The following KAT2B variants were observed in gnomAD, a reference collection of about 807,000 sequenced individuals.
KAT2B encodes histone acetyltransferase KAT2B.
In KAT2B, 36 loss-of-function variants were observed where a neutral mutation model predicts 105.9. The ratio of observed to expected loss-of-function variants is 0.34; its 90% CI spans 0.26 to 0.45. The LOEUF (loss-of-function observed/expected upper bound fraction) is 0.45, where lower values mean the gene tolerates loss of function less well. KAT2B is among the 20% of genes least tolerant of loss of function. The pLI, the probability that KAT2B is intolerant of heterozygous loss-of-function variation, is 1.00. For synonymous variants in KAT2B, 397 were observed against 377.9 expected (o/e 1.05, Z -0.59); for missense variants, 820 against 1,021.6 (o/e 0.80, Z 2.69).
intron 1 of KAT2B, among the ~76,000 whole-genome samples, chr3:20,069,614 C>T (rs985901170): frequency 1.3e-5 from 2 of 151,712 alleles, no homozygotes; most frequent in South Asian, 2.1e-4. Flanking sequence ...CAACCTCTGC[C>T]GCCCGGGTTC....
chr3:20,101,612 C>G, intron 5 of KAT2B, 144 bp downstream of exon 5: 1 of 641,448 alleles, frequency 1.6e-6, no homozygotes, highest in Non-Finnish European at 2.7e-6. Flanking sequence ...ATTTAACTTG[C>G]AAACTCCTGC....
intron 11 of KAT2B, among the ~76,000 whole-genome samples, chr3:20,128,576 A>T (rs964797148): frequency 6.6e-6 from 1 of 151,620 alleles, no homozygotes; most frequent in Non-Finnish European, 1.5e-5. Flanking sequence ...TCCATGTTTT[A>T]TTGGTATTGC....
intron 1 of KAT2B, 141 bp downstream of exon 1, chr3:20,040,921 T>C (rs961011063): frequency 9.5e-7 from 1 of 1,053,358 alleles, no homozygotes; most frequent in Non-Finnish European, 1.3e-6. Flanking sequence ...GCGGAAGTGC[T>C]CTTGTCGCCC....
Position 20,127,441 on chromosome 3 carries a change from T to G in KAT2B, c.1641T>G (p.Ala547=), listed in dbSNP as rs1699426297. The change falls in exon 11 of 18, where the codon GCT becomes GCG. Residue 547 remains alanine (A), a synonymous_variant. Coordinates refer to ENST00000263754, the MANE Select transcript of KAT2B (RefSeq NM_003884.5). ...CTTTCAGGAAACACAAAACCCTTGC[T>G]TTAATTAAAGATGGCCGTGTTATTG... ...LVFDPKHKTL[A]LIKDGRVIGG... is the part of the protein sequence containing the mutation. 1.2e-6 allele frequency: 2 copies of G among 1,613,084 alleles called. No homozygotes were observed. The highest frequency in any genetic ancestry group is 1.7e-6 in the Non-Finnish European group (2 of 1,179,088).
rs750924989 is a variant in KAT2B, at chr3:20,111,765, C to G, written c.1021C>G (p.Leu341Val). The G allele has an allele frequency of 1.9e-6, 3 of 1,613,338 alleles. No homozygotes were observed. The highest frequency in any genetic ancestry group is 2.2e-5 in the East Asian group (1 of 44,864). ...KDKLPLEKRT[L>V]ILTHFPKFLS... ...TAAACTGCCTCTTGAAAAACGAACT[C>G]TAATCCTCACTCATTTCCCAAAGTA... The change falls in exon 6 of 18, where the codon CTA becomes GTA. Residue 341 changes from leucine to valine, a missense_variant. By Grantham distance (32) the Leu-to-Val change is conservative. This residue lies in a region of KAT2B where 173 missense variants were observed against 249.5 expected (regional missense o/e 0.69). Coordinates refer to ENST00000263754, the MANE Select transcript of KAT2B (RefSeq NM_003884.5).
At chr3:20,111,409 A>G (rs1699118692) in intron 5 of KAT2B, among the ~76,000 whole-genome samples, 187 bp from the exon 6 acceptor site, 1 of 152,242 alleles carries the variant, frequency 6.6e-6, no homozygotes. Flanking sequence ...ATTAGACACA[A>G]GTGGTGATGT....
rs200560854 is a variant in KAT2B, at chr3:20,072,391, C to G, written c.362C>G (p.Pro121Arg). 260 of 1,613,264 alleles carry G rather than the reference C, an allele frequency of 1.6e-4. No individual in the cohort carries two copies. Among genetic ancestry groups the G allele is most frequent in the Non-Finnish European group, 2.0e-4 (239 of 1,179,372 alleles). The change falls in exon 2 of 18, where the codon CCC becomes CGC. Residue 121 changes from proline to arginine, a missense_variant. Pro to Arg is a moderately radical substitution (Grantham distance 103). Transcript: ENST00000263754. ...AACCCTAACCCCTCACCCACTCCCC[C>G]CAGAGCCGACCTGCAGCAAATAATT... ...WKNPNPSPTP[P>R]RADLQQIIVS...
intron 1 of KAT2B, among the ~76,000 whole-genome samples, chr3:20,057,203 G>A (rs2125169449): frequency 6.6e-6 from 1 of 152,308 alleles, no homozygotes; most frequent in East Asian, 1.9e-4. Flanking sequence ...GAGAAGGACA[G>A]TGCCAACAAA....
chr3:20,062,000 CATATA>C lies in KAT2B; in HGVS notation c.304-10327_304-10323del, dbSNP rs1434683094. Among the ~76,000 whole-genome samples, 8 of 50,918 alleles carry C rather than the reference CATATA, an allele frequency of 1.6e-4. 1 individual carries two copies. The highest frequency in any genetic ancestry group is 1.4e-3 in the Admixed American group (5 of 3,450). The allele number at this position is 50,918 out of a possible 152,430, so 33.4% of individuals were successfully genotyped here. A position where few individuals can be genotyped will look rare whatever the true frequency, so the allele number is the denominator to read the frequency against. ...TATATAAAACATATAATATATAAAACATATAATATATATTATATATAAAACATAAT... is the reference window on the plus strand; with the variant it reads ...TATATAAAACATATAATATATAAAACATATATATTATATATAAAACATAAT... On this transcript the variant is annotated intron_variant, in intron 1 of 17. Coordinates refer to ENST00000263754, the MANE Select transcript of KAT2B (RefSeq NM_003884.5).
intron 6 of KAT2B, 79 bp from the exon 7 acceptor site, chr3:20,114,803 G>A (rs772277545): frequency 7.1e-5 from 53 of 742,864 alleles, no homozygotes; most frequent in Middle Eastern, 5.5e-4. Flanking sequence ...TGATGTTAAG[G>A]TGATTGTCAC....
At chr3:20,052,397 G>T (rs1166609689) in intron 1 of KAT2B, among the ~76,000 whole-genome samples, 1 of 152,302 alleles carries the variant, frequency 6.6e-6, no homozygotes, top group Non-Finnish European at 1.5e-5. Context: ...CAGACAAGTT[G>T]TACTGGGGAT....
At chr3:20,107,609 A>G (rs9828532) in intron 5 of KAT2B, among the ~76,000 whole-genome samples, 33,594 of 145,768 alleles carry the variant, frequency 0.23, 4,875 homozygotes, top group East Asian at 0.44. Flanking sequence ...GTGAGTCGAG[A>G]TCATGCCATT....
intron 11 of KAT2B, among the ~76,000 whole-genome samples, chr3:20,132,974 C>T (rs1293853153): frequency 6.6e-6 from 1 of 152,222 alleles, no homozygotes; most frequent in Non-Finnish European, 1.5e-5. Flanking sequence ...CATTACTTTT[C>T]CTGTGCACAT....
intron 2 of KAT2B, among the ~76,000 whole-genome samples, chr3:20,073,790 C>G (rs957851213): frequency 1.3e-5 from 2 of 152,152 alleles, no homozygotes; most frequent in Non-Finnish European, 1.5e-5. Context: ...TTTAGGATTG[C>G]CTCAGGAAAT....
chr3:20,079,537 A>G (rs538937457), intron 2 of KAT2B, among the ~76,000 whole-genome samples: 1 of 152,300 alleles, frequency 6.6e-6, no homozygotes, highest in South Asian at 2.1e-4. Flanking sequence ...GAAGGTCAAG[A>G]GTTAGCTTTA....
intron 2 of KAT2B, among the ~76,000 whole-genome samples, chr3:20,075,662 C>G (rs1350911256): frequency 6.6e-6 from 1 of 152,106 alleles, no homozygotes; most frequent in East Asian, 1.9e-4. Flanking sequence ...ATAAAGGATA[C>G]ACAGACAGCC....
At chr3:20,101,026 TCTC>T in intron 4 of KAT2B, 2 of 459,202 alleles carry the variant, frequency 4.4e-6, no homozygotes, top group Non-Finnish European at 7.8e-6. Flanking sequence ...GTTTTGATTT[TCTC>T]CTTAATGCTT....
At chr3:20,137,095 T>G in intron 12 of KAT2B, 43 bp downstream of exon 12, 1 of 966,128 alleles carries the variant, frequency 1.0e-6, no homozygotes, top group Non-Finnish European at 1.7e-6. Context: ...ACTCCTTTTC[T>G]TAATATGTTC....
chr3:20,091,852 T>A (rs1698724113), intron 2 of KAT2B, among the ~76,000 whole-genome samples: 1 of 152,134 alleles, frequency 6.6e-6, no homozygotes, highest in Non-Finnish European at 1.5e-5. Flanking sequence ...ATAATTGCGG[T>A]TTTTGCCATT....
Sources: allele counts gnomAD v4.1 joint callset (sites outside exome capture counted in the v4.1 genomes callset), GRCh38; gene constraint gnomAD v4.1.1; regional missense constraint gnomAD v4.1.1; transcripts MANE v1.5; gene names NCBI Gene and HGNC (gene_info 2026-07-23, HGNC 2026-07-21).